GRID1: variants seen among roughly 807,000 people sequenced by gnomAD.
GRID1 encodes the protein glutamate receptor ionotropic, delta-1.
A neutral mutation model predicts 98.0 loss-of-function variants in GRID1; 28 were observed. That is an observed-to-expected ratio of 0.29 (90% CI 0.21 to 0.39). GRID1 has a LOEUF of 0.39. GRID1 is among the 10% of genes least tolerant of loss of function. The pLI is 1.00. For synonymous variants in GRID1, 553 were observed against 538.5 expected (o/e 1.03, Z -0.37); for missense variants, 1,111 against 1,340.5 (o/e 0.83, Z 2.67).
intron 4 of GRID1, among the ~76,000 whole-genome samples, chr10:85,953,798 A>C (rs1212009636): frequency 6.6e-6 from 1 of 152,214 alleles, no homozygotes; most frequent in Non-Finnish European, 1.5e-5. Context: ...AGAAACCCTC[A>C]CACAGAAATA....
chr10:85,618,077 G>T (rs759434186), intron 14 of GRID1, among the ~76,000 whole-genome samples: 19 of 152,192 alleles, frequency 1.2e-4, no homozygotes, highest in Non-Finnish European at 2.5e-4. Flanking sequence ...CCTAATGGGA[G>T]CCCCCTCTGC....
intron 4 of GRID1, among the ~76,000 whole-genome samples, chr10:86,125,781 A>G (rs2131962744): frequency 6.6e-6 from 1 of 152,238 alleles, no homozygotes; most frequent in Non-Finnish European, 1.5e-5. Flanking sequence ...AAGGACGAAG[A>G]CCTCTATGAT....
chr10:85,726,306 G>A (rs1350430294), intron 10 of GRID1, among the ~76,000 whole-genome samples: 6 of 151,966 alleles, frequency 3.9e-5, no homozygotes, highest in Admixed American at 3.3e-4. Context: ...CTTTTTAAAC[G>A]GTCTCTGAGA....
intron 4 of GRID1, among the ~76,000 whole-genome samples, chr10:85,950,067 C>T (rs573823419): frequency 6.6e-6 from 1 of 152,238 alleles, no homozygotes; most frequent in African/African-American, 2.4e-5. Flanking sequence ...TGGTAGGTAA[C>T]AAAGCCTAGC....
At chr10:85,649,094 C>T (rs1237594176) in intron 12 of GRID1, among the ~76,000 whole-genome samples, 1 of 152,162 alleles carries the variant, frequency 6.6e-6, no homozygotes, top group Non-Finnish European at 1.5e-5. Flanking sequence ...TGATGGTAAC[C>T]AGTAGTGATT....
In GRID1 at chr10:86,041,126, G is replaced by T. The variant is rs116017117; in HGVS notation, c.726+97693C>A. On this transcript the variant is annotated intron_variant, in intron 4 of 15. Coordinates refer to ENST00000327946, the MANE Select transcript of GRID1 (RefSeq NM_017551.3). Reference sequence around the variant, plus strand: ...GATGTGGCTGTCCATTTGTGTTGGTGCTAACCACTTCACTCCACCTATTCA... The same window carrying T: ...GATGTGGCTGTCCATTTGTGTTGGTTCTAACCACTTCACTCCACCTATTCA... Among the ~76,000 whole-genome samples, 791 of 152,286 alleles carry T rather than the reference G, an allele frequency of 5.2e-3. 9 individuals are homozygous for T. Among genetic ancestry groups the T allele is most frequent in the African/African-American group, 0.018 (754 of 41,540 alleles).
At chr10:85,609,482 C>T (rs1842710171) in intron 15 of GRID1, among the ~76,000 whole-genome samples, 1 of 152,230 alleles carries the variant, frequency 6.6e-6, no homozygotes, top group East Asian at 1.9e-4. Context: ...GACTGGCAAA[C>T]TCTTTACATG....
intron 3 of GRID1, among the ~76,000 whole-genome samples, chr10:86,176,601 G>A (rs1845579415): frequency 6.6e-6 from 1 of 152,212 alleles, no homozygotes; most frequent in South Asian, 2.1e-4. Context: ...GTGGGAAAGG[G>A]TCCTGGATAT....
intron 1 of GRID1, among the ~76,000 whole-genome samples, chr10:86,364,430 T>C (rs573543830): frequency 6.6e-6 from 1 of 152,342 alleles, no homozygotes; most frequent in African/African-American, 2.4e-5. Flanking sequence ...TAAGCCAAGC[T>C]GGGGTGGCCC....
intron 4 of GRID1, among the ~76,000 whole-genome samples, chr10:85,944,775 G>C (rs1169989544): frequency 6.6e-6 from 1 of 151,754 alleles, no homozygotes; most frequent in Non-Finnish European, 1.5e-5. Flanking sequence ...GAGTAAATTA[G>C]ACTTACATTT....
intron 4 of GRID1, among the ~76,000 whole-genome samples, chr10:85,975,899 G>A (rs1363574679): frequency 1.3e-5 from 2 of 152,118 alleles, no homozygotes; most frequent in South Asian, 2.1e-4. Context: ...ACATATTTAT[G>A]TGGTTTTTCC....
intron 8 of GRID1, among the ~76,000 whole-genome samples, chr10:85,743,105 G>GCCA (rs2060758663): frequency 1.2e-5 from 1 of 82,672 alleles, no homozygotes; most frequent in Non-Finnish European, 2.4e-5. Context: ...GAATTATGCA[G>GCCA]CCCCCCCCCC....
intron 8 of GRID1, among the ~76,000 whole-genome samples, chr10:85,843,789 T>C (rs1842981823): frequency 6.6e-6 from 1 of 152,076 alleles, no homozygotes; most frequent in Admixed American, 6.6e-5. Context: ...TATCACAAAA[T>C]GCAGGTGAGG....
At chr10:86,113,248 G>A (rs1015349863) in intron 4 of GRID1, among the ~76,000 whole-genome samples, 7 of 152,014 alleles carry the variant, frequency 4.6e-5, no homozygotes, top group Non-Finnish European at 1.0e-4. Context: ...CCAACTCCTC[G>A]TCTAGCCCAC....
intron 14 of GRID1, among the ~76,000 whole-genome samples, chr10:85,615,013 G>A (rs942977907): frequency 3.3e-5 from 5 of 152,132 alleles, no homozygotes; most frequent in South Asian, 2.1e-4. Flanking sequence ...GGTATGTGTC[G>A]TTAGAGAGCA....
chr10:85,837,174 C>A (rs1842918355), intron 8 of GRID1, among the ~76,000 whole-genome samples: 1 of 152,046 alleles, frequency 6.6e-6, no homozygotes, highest in East Asian at 1.9e-4. Context: ...CATACTTGTG[C>A]TAATGCTGCA....
chr10:85,772,615 A>T (rs1842283720), intron 8 of GRID1, among the ~76,000 whole-genome samples: 1 of 152,224 alleles, frequency 6.6e-6, no homozygotes, highest in South Asian at 2.1e-4. Context: ...AAGCAAATAG[A>T]CGCAATAAAA....
chr10:86,052,205 T>C (rs1382714592), intron 4 of GRID1, among the ~76,000 whole-genome samples: 3 of 152,228 alleles, frequency 2.0e-5, no homozygotes, highest in Non-Finnish European at 4.4e-5. Context: ...ATAGCATACC[T>C]GTATTTGCAT....
intron 8 of GRID1, among the ~76,000 whole-genome samples, chr10:85,750,427 T>C (rs746036520): frequency 1.3e-5 from 2 of 152,146 alleles, no homozygotes; most frequent in Non-Finnish European, 2.9e-5. Flanking sequence ...CAACTTGCAA[T>C]GTAAAATGTG....
Sources: allele counts gnomAD v4.1 joint callset (sites outside exome capture counted in the v4.1 genomes callset), GRCh38; gene constraint gnomAD v4.1.1; transcripts MANE v1.5; gene names NCBI Gene and HGNC (gene_info 2026-07-23, HGNC 2026-07-21).